NPAS3: variants seen among roughly 807,000 people sequenced by gnomAD.
NPAS3 encodes neuronal PAS domain-containing protein 3.
NPAS3 carries 14 observed loss-of-function variants against 73.1 expected under a neutral mutation model. The observed-to-expected ratio is 0.19, with a 90% CI of 0.13 to 0.30. The LOEUF (loss-of-function observed/expected upper bound fraction) is 0.30, where lower values mean the gene tolerates loss of function less well. Among genes scored for constraint, NPAS3 ranks in the 10% least tolerant of loss-of-function variants. The probability of loss-of-function intolerance (pLI) is 1.00; values close to 1 mark genes in which losing one functional copy is unlikely to be tolerated. For missense variants in NPAS3, 1,096 were observed against 1,250.0 expected (o/e 0.88, Z 1.86); for synonymous variants, 620 against 541.5 (o/e 1.14, Z -2.01).
intron 2 of NPAS3, among the ~76,000 whole-genome samples, chr14:33,169,884 T>G (rs191358285): frequency 6.6e-6 from 1 of 152,338 alleles, no homozygotes; most frequent in East Asian, 1.9e-4. Context: ...TGTCGGTACC[T>G]GATTCTCGAA....
At chr14:33,169,894 A>G (rs1243529708) in intron 2 of NPAS3, among the ~76,000 whole-genome samples, 1 of 152,182 alleles carries the variant, frequency 6.6e-6, no homozygotes, top group South Asian at 2.1e-4. Flanking sequence ...TGATTCTCGA[A>G]AGGTCACAGC....
At chr14:33,212,337 T>C (rs1429354451) in intron 2 of NPAS3, among the ~76,000 whole-genome samples, 1 of 152,074 alleles carries the variant, frequency 6.6e-6, no homozygotes, top group Non-Finnish European at 1.5e-5. Context: ...TGATGTGATG[T>C]GAGAGTCATG....
chr14:33,642,313 A>G (rs766907536), intron 5 of NPAS3, among the ~76,000 whole-genome samples: 37 of 152,164 alleles, frequency 2.4e-4, no homozygotes, highest in Non-Finnish European at 1.2e-4. Context: ...AAAGAAAATG[A>G]GAGTTTATTG....
intron 3 of NPAS3, among the ~76,000 whole-genome samples, chr14:33,237,081 G>A (rs1462962011): frequency 2.6e-5 from 4 of 152,064 alleles, no homozygotes; most frequent in African/African-American, 9.7e-5. Context: ...CATAGGCTAT[G>A]GTTGCCTTTT....
At chr14:33,258,063 C>G (rs1031311762) in intron 3 of NPAS3, among the ~76,000 whole-genome samples, 1 of 152,096 alleles carries the variant, frequency 6.6e-6, no homozygotes, top group South Asian at 2.1e-4. Context: ...GAACAATAAA[C>G]TTAATATTTT....
intron 6 of NPAS3, 81 bp downstream of exon 6, chr14:33,676,466 G>C: frequency 8.2e-7 from 1 of 1,218,638 alleles, no homozygotes; most frequent in Non-Finnish European, 1.1e-6. Flanking sequence ...CATGTGAAGA[G>C]ACTATAAATA....
At chr14:33,557,364 C>G (rs1182171089) in intron 4 of NPAS3, among the ~76,000 whole-genome samples, 1 of 152,166 alleles carries the variant, frequency 6.6e-6, no homozygotes, top group Non-Finnish European at 1.5e-5. Flanking sequence ...TAATCTCTTG[C>G]CATCCTACTT....
rs552907674 is a variant in NPAS3 at position 32,968,753 on chromosome 14, G to A, written c.50+29387G>A. On this transcript the variant is annotated intron_variant, in intron 1 of 11. Coordinates refer to ENST00000356141, the Ensembl canonical transcript of NPAS3. ...GGTTGGAGTCAAACGCTGGGGCCAG[G>A]GAAGCCACTACTTTCTTTCTTTTTT... 6.0e-5 allele frequency among the ~76,000 whole-genome samples: 9 copies of A among 149,214 alleles called. No homozygotes were observed. The East Asian group carries it at 1.4e-3, about 23-fold the overall frequency.
intron 2 of NPAS3, among the ~76,000 whole-genome samples, chr14:33,080,908 A>C (rs777650666): frequency 6.6e-6 from 1 of 152,170 alleles, no homozygotes; most frequent in Non-Finnish European, 1.5e-5. Flanking sequence ...TTTCTTTTTC[A>C]CTTGCTTTTG....
chr14:33,763,229 T>C (rs954808610), intron 7 of NPAS3, among the ~76,000 whole-genome samples: 1 of 152,170 alleles, frequency 6.6e-6, no homozygotes, highest in Admixed American at 6.5e-5. Flanking sequence ...CGTGGATTCA[T>C]CCACTCCATA....
At chr14:33,407,418 A>C (rs982681472) in intron 4 of NPAS3, among the ~76,000 whole-genome samples, 1 of 152,122 alleles carries the variant, frequency 6.6e-6, no homozygotes, top group Non-Finnish European at 1.5e-5. Flanking sequence ...TCCAAAACAC[A>C]TCCCTGAATC....
chr14:33,214,732 A>G (rs1178184577), intron 2 of NPAS3: 2 of 155,856 alleles, frequency 1.3e-5, no homozygotes, highest in African/African-American at 4.8e-5. Flanking sequence ...TATAATTGAA[A>G]TGAATTTTTC....
chr14:33,544,794 A>ATATATAT (rs1555409870), intron 4 of NPAS3, among the ~76,000 whole-genome samples: 7 of 107,864 alleles, frequency 6.5e-5, no homozygotes, highest in African/African-American at 3.3e-4. Flanking sequence ...TGTATTATAT[A>ATATATAT]TATATATATA....
chr14:33,158,053 T>C (rs951377173), intron 2 of NPAS3, among the ~76,000 whole-genome samples: 6 of 102,954 alleles, frequency 5.8e-5, no homozygotes, highest in Non-Finnish European at 1.3e-4. Flanking sequence ...TTAATGGAAA[T>C]TTAAGGAAAA....
chr14:33,453,502 A>G (rs2049893983), intron 4 of NPAS3, among the ~76,000 whole-genome samples: 1 of 152,156 alleles, frequency 6.6e-6, no homozygotes, highest in African/African-American at 2.4e-5. Flanking sequence ...TTTAAGGGCT[A>G]TGATTAAAGA....
chr14:33,454,197 G>A (rs569110738), intron 4 of NPAS3, among the ~76,000 whole-genome samples: 1 of 152,164 alleles, frequency 6.6e-6, no homozygotes, highest in Non-Finnish European at 1.5e-5. Flanking sequence ...TACAGTGCCA[G>A]TAAGTGTATA....
At chr14:33,509,597 A>G (rs1178270571) in intron 4 of NPAS3, among the ~76,000 whole-genome samples, 2 of 152,024 alleles carry the variant, frequency 1.3e-5, no homozygotes, top group African/African-American at 4.8e-5. Context: ...GAGGGTGTGC[A>G]TTAGGCTCAG....
At chr14:33,335,521 A>C (rs2044185322) in intron 3 of NPAS3, among the ~76,000 whole-genome samples, 2 of 152,182 alleles carry the variant, frequency 1.3e-5, no homozygotes, top group Non-Finnish European at 2.9e-5. Context: ...TCTGTTCCGA[A>C]GTGGCCTTGT....
intron 1 of NPAS3, among the ~76,000 whole-genome samples, chr14:32,973,987 T>G (rs1438903239): frequency 6.6e-6 from 1 of 152,234 alleles, no homozygotes; most frequent in Non-Finnish European, 1.5e-5. Flanking sequence ...AGAAACGATT[T>G]GAAGTCAAGA....
Sources: allele counts gnomAD v4.1 joint callset (sites outside exome capture counted in the v4.1 genomes callset), GRCh38; gene constraint gnomAD v4.1.1; transcripts MANE v1.5; gene names NCBI Gene and HGNC (gene_info 2026-07-23, HGNC 2026-07-21).